The following ZZZ3 variants were observed in gnomAD, a reference collection of about 807,000 sequenced individuals.
ZZZ3 encodes zinc finger ZZ-type containing 3, also known as ZZ-type zinc finger-containing protein 3.
Under a neutral mutation model 95.2 loss-of-function variants are expected in ZZZ3, and 22 were observed. That is an observed-to-expected ratio of 0.23 (90% confidence interval 0.17 to 0.33). The LOEUF is 0.33. Ranked by LOEUF, ZZZ3 falls within the 10% of genes least tolerant of loss-of-function variation. ZZZ3 has a pLI of 1.00. For synonymous variants in ZZZ3, 335 were observed against 358.9 expected (o/e 0.93, Z 0.75); for missense variants, 885 against 1,066.5 (o/e 0.83, Z 2.37).
At chr1:77,681,626 A>G (rs186389507) in intron 1 of ZZZ3, among the ~76,000 whole-genome samples, 89 of 152,266 alleles carry the variant, frequency 5.8e-4, no homozygotes, top group Non-Finnish European at 1.1e-3. Flanking sequence ...TCACGCCTGT[A>G]CAGTGCTGAA....
chr1:77,594,641 GTTCT>G (rs1470289709), intron 5 of ZZZ3, among the ~76,000 whole-genome samples: 11 of 151,942 alleles, frequency 7.2e-5, no homozygotes, highest in Non-Finnish European at 1.5e-4. Flanking sequence ...CATCTTGGGA[GTTCT>G]TTAAGTATGC....
chr1:77,637,419 T>C (rs1476851493), intron 4 of ZZZ3, among the ~76,000 whole-genome samples: 1 of 152,212 alleles, frequency 6.6e-6, no homozygotes, highest in Non-Finnish European at 1.5e-5. Flanking sequence ...TCTAACCTTT[T>C]TCTTCATATC....
intron 1 of ZZZ3, among the ~76,000 whole-genome samples, chr1:77,674,786 T>C (rs1672106643): frequency 6.6e-6 from 1 of 151,800 alleles, no homozygotes; most frequent in Non-Finnish European, 1.5e-5. Context: ...ACCCCGTCTC[T>C]ACTAAAAATA....
chr1:77,595,941 A>G (rs1664176798), intron 5 of ZZZ3, among the ~76,000 whole-genome samples: 1 of 152,066 alleles, frequency 6.6e-6, no homozygotes, highest in Non-Finnish European at 1.5e-5. Flanking sequence ...TGCTACGTAG[A>G]AAAGAGAACA....
At chr1:77,614,740 T>C (rs971470769) in intron 5 of ZZZ3, 3 of 152,182 alleles carry the variant, frequency 2.0e-5, no homozygotes, top group South Asian at 2.1e-4. Flanking sequence ...TTCTAAAGGT[T>C]CCAAATCCCA....
chr1:77,568,550 T>C, intron 12 of ZZZ3, 84 bp from the exon 13 acceptor site: 1 of 715,808 alleles, frequency 1.4e-6, no homozygotes, highest in Non-Finnish European at 2.1e-6. Flanking sequence ...AGAATATTTT[T>C]CTACTGATAT....
At chr1:77,668,383 G>C (rs1671439402) in intron 1 of ZZZ3, among the ~76,000 whole-genome samples, 1 of 152,086 alleles carries the variant, frequency 6.6e-6, no homozygotes, top group Non-Finnish European at 1.5e-5. Flanking sequence ...GGAAAAGCAT[G>C]GGCTTTGGAG....
At chr1:77,683,308 C>T (rs1335220780), upstream of ZZZ3, 1 of 151,632 alleles carries the variant, frequency 6.6e-6, no homozygotes, top group Non-Finnish European at 1.5e-5. Flanking sequence ...GAGGCGCCGC[C>T]GCCGTGGCCG....
In ZZZ3 at chr1:77,564,702, T is replaced by G. The variant is rs1423808039; in HGVS notation, c.*938A>C. ...TGCAGACTAAATTTAATCACTTGTT[T>G]AAATAGTAATAAAAATACAATCTTT... On this transcript the variant is annotated 3_prime_UTR_variant, in exon 15 of 15. Coordinates refer to ENST00000370801, the MANE Select transcript of ZZZ3 (RefSeq NM_015534.6). 1 of 152,646 alleles carries G rather than the reference T, an allele frequency of 6.6e-6. No homozygotes were observed. Among genetic ancestry groups the G allele is most frequent in the Non-Finnish European group, 1.5e-5 (1 of 68,024 alleles). The allele number at this position is 152,646 out of a possible 1,614,324, so 9.5% of individuals were successfully genotyped here.
At chr1:77,642,415 T>C (rs1433977504) in intron 1 of ZZZ3, among the ~76,000 whole-genome samples, 1 of 152,124 alleles carries the variant, frequency 6.6e-6, no homozygotes, top group Non-Finnish European at 1.5e-5. Context: ...ACCACTCCAT[T>C]ACACAGTAAA....
intron 5 of ZZZ3, among the ~76,000 whole-genome samples, chr1:77,610,757 C>G (rs1333390576): frequency 5.3e-5 from 8 of 151,646 alleles, no homozygotes; most frequent in Admixed American, 2.6e-4. Flanking sequence ...AGTTTGACAT[C>G]CCTTCATGAT....
intron 4 of ZZZ3, among the ~76,000 whole-genome samples, chr1:77,637,460 TAC>T (rs1207922553): frequency 1.3e-5 from 2 of 152,162 alleles, no homozygotes; most frequent in Non-Finnish European, 2.9e-5. Flanking sequence ...TATATAAAGG[TAC>T]ACACTTTCTA....
intron 5 of ZZZ3, among the ~76,000 whole-genome samples, chr1:77,612,816 T>C (rs1182073864): frequency 1.3e-5 from 2 of 151,826 alleles, no homozygotes; most frequent in Non-Finnish European, 2.9e-5. Context: ...TGAGGAGACA[T>C]AGGTCAAAGG....
intron 4 of ZZZ3, among the ~76,000 whole-genome samples, chr1:77,635,043 C>A (rs1449679671): frequency 6.6e-6 from 1 of 152,118 alleles, no homozygotes; most frequent in Non-Finnish European, 1.5e-5. Flanking sequence ...CTGACTCCTA[C>A]CCCTAAAAAT....
At chr1:77,651,172 C>T (rs1176999740) in intron 1 of ZZZ3, among the ~76,000 whole-genome samples, 1 of 152,038 alleles carries the variant, frequency 6.6e-6, no homozygotes, top group Non-Finnish European at 1.5e-5. Flanking sequence ...TAGCTTGGGC[C>T]CAGGAGTTCA....
intron 12 of ZZZ3, among the ~76,000 whole-genome samples, chr1:77,569,809 TTTC>T (rs1661194596): frequency 6.6e-6 from 1 of 152,196 alleles, no homozygotes; most frequent in African/African-American, 2.4e-5. Flanking sequence ...CTCATTGAAA[TTTC>T]TAATCACTAT....
At chr1:77,648,712 C>T (rs1312989726) in intron 1 of ZZZ3, among the ~76,000 whole-genome samples, 1 of 152,102 alleles carries the variant, frequency 6.6e-6, no homozygotes, top group African/African-American at 2.4e-5. Context: ...TATAGAATAT[C>T]ATCAAGACGC....
rs1166342193 is a variant in ZZZ3 at position 77,578,759 on chromosome 1, T to C, written c.2178+15A>G. The C allele has an allele frequency of 7.7e-6, 11 of 1,433,450 alleles. No homozygotes were observed. The East Asian group carries it at 1.5e-4, about 20-fold the overall frequency. 88.8% of individuals were successfully genotyped at this position (1,433,450 alleles called of 1,614,324 possible). A position where few individuals can be genotyped will look rare whatever the true frequency, so the allele number is the denominator to read the frequency against. On this transcript the variant is annotated intron_variant, in intron 11 of 14. Coordinates refer to ENST00000370801, the MANE Select transcript of ZZZ3 (RefSeq NM_015534.6). ...AAATTTAATCTACAGTTTACTTTCATGTATTTTCTTTTACCTTTTTGGAGT... is the reference window on the plus strand; with the variant it reads ...AAATTTAATCTACAGTTTACTTTCACGTATTTTCTTTTACCTTTTTGGAGT...
At chr1:77,645,962 C>A (rs1044083488) in intron 1 of ZZZ3, among the ~76,000 whole-genome samples, 6 of 145,288 alleles carry the variant, frequency 4.1e-5, no homozygotes, top group Middle Eastern at 7.1e-3. Context: ...CAGAGCGAGA[C>A]TCCATCTCAA....
Sources: gnomAD v4.1 joint callset for allele counts (sites outside exome capture counted in the v4.1 genomes callset) on GRCh38, gnomAD v4.1.1 for gene constraint, MANE v1.5 for transcripts, NCBI Gene and HGNC (gene_info 2026-07-23, HGNC 2026-07-21) for gene names.